ASIC2: variants seen among roughly 807,000 people sequenced by gnomAD.
ASIC2 encodes the protein acid-sensing ion channel 2.
In ASIC2, 25 loss-of-function variants were observed where a neutral mutation model predicts 57.3. That is an observed-to-expected ratio of 0.44 (90% CI 0.32 to 0.61). The LOEUF (loss-of-function observed/expected upper bound fraction) is 0.61. Ranked by LOEUF, ASIC2 falls within the 20% of genes least tolerant of loss-of-function variation. The pLI is 0.06. For missense variants in ASIC2, 641 were observed against 738.1 expected (o/e 0.87, Z 1.52); for synonymous variants, 319 against 307.5 (o/e 1.04, Z -0.39).
At chr17:33,952,718 T>C (rs1904615916) in intron 1 of ASIC2, among the ~76,000 whole-genome samples, 1 of 152,032 alleles carries the variant, frequency 6.6e-6, no homozygotes, top group African/African-American at 2.4e-5. Flanking sequence ...AGGAAAACAT[T>C]TAAAATTCAG....
At chr17:33,140,091 G>T (rs566212524) in intron 1 of ASIC2, among the ~76,000 whole-genome samples, 1 of 152,350 alleles carries the variant, frequency 6.6e-6, no homozygotes, top group South Asian at 2.1e-4. Context: ...TCCTGGGCCT[G>T]GCCCAGAGCT....
intron 1 of ASIC2, among the ~76,000 whole-genome samples, chr17:33,198,246 G>A (rs761805105): frequency 1.3e-5 from 2 of 152,188 alleles, no homozygotes; most frequent in African/African-American, 2.4e-5. Flanking sequence ...CCAGCTACTA[G>A]GGGACTGAGG....
chr17:33,988,803 C>T (rs1315956622), intron 1 of ASIC2, among the ~76,000 whole-genome samples: 1 of 152,002 alleles, frequency 6.6e-6, no homozygotes, highest in Non-Finnish European at 1.5e-5. Context: ...GCTAAGTTAT[C>T]CCCCTATCCC....
intron 1 of ASIC2, among the ~76,000 whole-genome samples, chr17:33,257,809 C>G (rs918404141): frequency 1.3e-5 from 2 of 152,222 alleles, no homozygotes; most frequent in Admixed American, 1.3e-4. Flanking sequence ...GCAGGATAGG[C>G]TAGAGGCTGA....
At chr17:34,099,668 GA>G (rs1217045045) in intron 1 of ASIC2, among the ~76,000 whole-genome samples, 1 of 133,188 alleles carries the variant, frequency 7.5e-6, no homozygotes, top group African/African-American at 3.3e-5. Context: ...AGGAAGGAAA[GA>G]AAGAAAGAAA....
intron 1 of ASIC2, among the ~76,000 whole-genome samples, chr17:33,942,581 C>T (rs1371335604): frequency 6.6e-6 from 1 of 152,102 alleles, no homozygotes; most frequent in Non-Finnish European, 1.5e-5. Context: ...TTGGACAGGG[C>T]ACACGAAGTC....
intron 1 of ASIC2, among the ~76,000 whole-genome samples, chr17:33,193,714 C>T (rs1906519064): frequency 6.6e-6 from 1 of 152,168 alleles, no homozygotes. Flanking sequence ...GATTCTAATT[C>T]AGAGAGTCCG....
intron 1 of ASIC2, among the ~76,000 whole-genome samples, chr17:33,186,665 C>T (rs1054144811): frequency 2.0e-5 from 3 of 152,044 alleles, no homozygotes; most frequent in Admixed American, 6.6e-5. Flanking sequence ...GCAAAGGGGG[C>T]GAGAGCCTTG....
At chr17:33,141,530 C>T (rs1378289486) in intron 1 of ASIC2, among the ~76,000 whole-genome samples, 1 of 152,190 alleles carries the variant, frequency 6.6e-6, no homozygotes, top group African/African-American at 2.4e-5. Context: ...GTGATTTAAG[C>T]TACACCCGGT....
chr17:33,762,425 A>T (rs1472869127), intron 1 of ASIC2, among the ~76,000 whole-genome samples: 1 of 152,202 alleles, frequency 6.6e-6, no homozygotes, highest in Non-Finnish European at 1.5e-5. Context: ...GGTGTGCAGC[A>T]ACTCACTTTT....
intron 1 of ASIC2, among the ~76,000 whole-genome samples, chr17:33,720,529 T>C (rs1048915305): frequency 1.3e-5 from 2 of 152,206 alleles, no homozygotes; most frequent in African/African-American, 4.8e-5. Context: ...TATGTCTTGA[T>C]TTACTATATA....
At chr17:33,969,906 T>G (rs1297145985) in intron 1 of ASIC2, among the ~76,000 whole-genome samples, 2 of 152,074 alleles carry the variant, frequency 1.3e-5, no homozygotes, top group Admixed American at 1.3e-4. Context: ...GATATGTAAC[T>G]TTCCACTCTG....
At chr17:33,573,718 AC>A (rs1337811305) in intron 1 of ASIC2, among the ~76,000 whole-genome samples, 1 of 152,066 alleles carries the variant, frequency 6.6e-6, no homozygotes, top group Non-Finnish European at 1.5e-5. Flanking sequence ...GGTGCATACC[AC>A]CACGCCCCGC....
chr17:33,225,058 G>A (rs1490754980), intron 1 of ASIC2, among the ~76,000 whole-genome samples: 1 of 152,190 alleles, frequency 6.6e-6, no homozygotes, highest in East Asian at 1.9e-4. Flanking sequence ...ACCTGGCATA[G>A]AAAAGGCACC....
At chr17:33,253,796 A>T (rs1908964483) in intron 1 of ASIC2, among the ~76,000 whole-genome samples, 1 of 152,214 alleles carries the variant, frequency 6.6e-6, no homozygotes, top group Non-Finnish European at 1.5e-5. Flanking sequence ...TGGATTTTCC[A>T]AGTATAAAAT....
chr17:33,300,055 C>T (rs905167686), intron 1 of ASIC2, among the ~76,000 whole-genome samples: 5 of 152,160 alleles, frequency 3.3e-5, no homozygotes, highest in Non-Finnish European at 7.3e-5. Context: ...AAATTGGTAA[C>T]ATATTCACAT....
intron 1 of ASIC2, among the ~76,000 whole-genome samples, chr17:33,836,029 T>C (rs1236209784): frequency 6.7e-6 from 1 of 149,412 alleles, no homozygotes; most frequent in Non-Finnish European, 1.5e-5. Flanking sequence ...ATATGTATCC[T>C]ACACACATGA....
chr17:34,156,572 C>T lies in ASIC2; in HGVS notation c.-40G>A. The T allele has an allele frequency of 4.6e-6, 7 of 1,532,936 alleles. No individual in the cohort carries two copies. Among genetic ancestry groups the T allele is most frequent in the Non-Finnish European group, 6.2e-6 (7 of 1,137,406 alleles). The allele number at this position is 1,532,936 out of a possible 1,614,324, so 95.0% of individuals were successfully genotyped here. ...GTTCCGCAACTGGCTTCAGGTTGAT[C>T]GAATTTCAGAGAAGAGCTCCCAGTC... On this transcript the variant is annotated 5_prime_UTR_variant, in exon 1 of 10. Transcript: ENST00000359872. The surrounding 1 kb of genome is among the most constrained non-coding windows in gnomAD (Gnocchi z 4.4).
chr17:33,507,569 A>G (rs67876598), intron 1 of ASIC2, among the ~76,000 whole-genome samples: 24,867 of 151,982 alleles, frequency 0.16, 2,278 homozygotes, highest in African/African-American at 0.27. Flanking sequence ...ATATGCTTTC[A>G]TTCTCATCGT....
Sources: allele counts gnomAD v4.1 joint callset (sites outside exome capture counted in the v4.1 genomes callset), GRCh38; gene constraint gnomAD v4.1.1; non-coding constraint Gnocchi (gnomAD v3.1); transcripts MANE v1.5; gene names NCBI Gene and HGNC (gene_info 2026-07-23, HGNC 2026-07-21).